Variants in NCOA2 observed in about 807,000 individuals in gnomAD.
NCOA2 encodes nuclear receptor coactivator 2.
In NCOA2, 21 loss-of-function variants were observed where a neutral mutation model predicts 145.1. That is an observed-to-expected ratio of 0.14 (90% CI 0.10 to 0.21). NCOA2 has a LOEUF of 0.21. Ranked by LOEUF, NCOA2 falls within the 10% of genes least tolerant of loss-of-function variation. NCOA2 has a pLI of 1.00. For synonymous variants in NCOA2, 619 were observed against 637.5 expected, an observed-to-expected ratio of 0.97 and a Z score of 0.44; for missense variants, 1,472 against 1,837.6, an observed-to-expected ratio of 0.80 and a Z score of 3.64.
intron 2 of NCOA2, among the ~76,000 whole-genome samples, chr8:70,231,451 G>T (rs1440518703): frequency 2.0e-5 from 3 of 152,202 alleles, no homozygotes; most frequent in Non-Finnish European, 4.4e-5. Flanking sequence ...TCCACTGGTG[G>T]TCTTCATCTT....
rs979295703 is a variant in NCOA2, at chr8:70,170,432, G to A, written c.364-53C>T. The A allele has an allele frequency of 6.4e-6, 9 of 1,399,786 alleles. No homozygotes were observed. The Admixed American group carries it at 1.3e-4, about 20-fold the overall frequency. 86.7% of individuals were successfully genotyped at this position (1,399,786 alleles called of 1,614,324 possible). On this transcript the variant is annotated intron_variant, in intron 5 of 22. Coordinates refer to ENST00000452400, the MANE Select transcript of NCOA2 (RefSeq NM_006540.4). Reference sequence around the variant, plus strand: ...GAAAGGATGCAACATAACATCACATGCAATTGTTAAGAAGGGAATGATCCC... The same window carrying A: ...GAAAGGATGCAACATAACATCACATACAATTGTTAAGAAGGGAATGATCCC...
At chr8:70,382,453 C>T (rs1253249550) in intron 1 of NCOA2, among the ~76,000 whole-genome samples, 1 of 152,076 alleles carries the variant, frequency 6.6e-6, no homozygotes, top group Non-Finnish European at 1.5e-5. Flanking sequence ...GAAATCTTGG[C>T]CCCAATGTGA....
At chr8:70,432,062 A>C in the NCOA2 span, among the ~76,000 whole-genome samples, 5 of 152,258 alleles carry the variant, frequency 3.3e-5, no homozygotes, top group Admixed American at 2.0e-4. Context: ...AAAGTAAACC[A>C]GTGGTTGATA....
the NCOA2 span, among the ~76,000 whole-genome samples, chr8:70,421,907 C>T: frequency 6.6e-6 from 1 of 151,946 alleles, no homozygotes; most frequent in Admixed American, 6.6e-5. Flanking sequence ...CTAGCCTGGC[C>T]AACATGGTGA....
chr8:70,375,746 G>A (rs569343881), intron 1 of NCOA2, among the ~76,000 whole-genome samples: 3 of 152,116 alleles, frequency 2.0e-5, no homozygotes, highest in Admixed American at 6.5e-5. Context: ...CTACCTTACC[G>A]AACAGCATGA....
At chr8:70,273,292 C>CACCT in intron 2 of NCOA2, 1 of 245,484 alleles carries the variant, frequency 4.1e-6, no homozygotes, top group Admixed American at 4.9e-5. Flanking sequence ...CGTGTGTGTG[C>CACCT]ACCTAATCTC....
At chr8:70,259,602 T>C (rs960166151) in intron 2 of NCOA2, among the ~76,000 whole-genome samples, 3 of 152,186 alleles carry the variant, frequency 2.0e-5, no homozygotes, top group African/African-American at 7.2e-5. Context: ...ATTTGTAAAA[T>C]GTTAGATGAA....
chr8:70,276,940 G>A (rs577820170), intron 2 of NCOA2, among the ~76,000 whole-genome samples: 1 of 152,100 alleles, frequency 6.6e-6, no homozygotes, highest in African/African-American at 2.4e-5. Flanking sequence ...CATTGTCTAA[G>A]TAAAATAATT....
chr8:70,430,914 T>G, the NCOA2 span, among the ~76,000 whole-genome samples: 3 of 152,240 alleles, frequency 2.0e-5, no homozygotes, highest in Non-Finnish European at 4.4e-5. Context: ...CTACCTTATC[T>G]ATCAACTTAT....
chr8:70,178,094 C>A (rs1383684626), intron 4 of NCOA2, among the ~76,000 whole-genome samples: 2 of 152,096 alleles, frequency 1.3e-5, no homozygotes, highest in African/African-American at 4.8e-5. Context: ...AAACCTTACA[C>A]TTAGATAACT....
intron 2 of NCOA2, among the ~76,000 whole-genome samples, chr8:70,244,584 A>G (rs941410398): frequency 1.3e-5 from 2 of 152,160 alleles, no homozygotes; most frequent in African/African-American, 4.8e-5. Flanking sequence ...TTTCAAATTT[A>G]TCACAAAGCT....
At chr8:70,159,051 C>T (rs576553491) in intron 10 of NCOA2, among the ~76,000 whole-genome samples, 2 of 151,396 alleles carry the variant, frequency 1.3e-5, no homozygotes, top group East Asian at 1.9e-4. Context: ...ACCCTGCCCC[C>T]ACGCTGCAGA....
chr8:70,449,775 G>A, the NCOA2 span, among the ~76,000 whole-genome samples: 48 of 152,218 alleles, frequency 3.2e-4, no homozygotes, highest in Non-Finnish European at 6.5e-4. Flanking sequence ...ACGTTCACAT[G>A]GGACTAGACC....
chr8:70,318,313 G>A (rs988481454), intron 1 of NCOA2, among the ~76,000 whole-genome samples: 1 of 152,228 alleles, frequency 6.6e-6, no homozygotes. Context: ...ATTTTGAATA[G>A]GCTTCTGAAT....
intron 1 of NCOA2, among the ~76,000 whole-genome samples, chr8:70,326,355 G>A (rs1806551409): frequency 1.3e-5 from 2 of 151,810 alleles, no homozygotes; most frequent in Admixed American, 1.3e-4. Context: ...TTCACTGTTA[G>A]TTCAAAATAG....
the NCOA2 span, among the ~76,000 whole-genome samples, chr8:70,409,323 T>A: frequency 6.6e-6 from 1 of 152,164 alleles, no homozygotes; most frequent in South Asian, 2.1e-4. Context: ...GCTACACTAA[T>A]TAAGACAGTG....
intron 11 of NCOA2, among the ~76,000 whole-genome samples, chr8:70,149,050 C>CCTTA (rs1324996524): frequency 1.3e-5 from 2 of 151,630 alleles, no homozygotes; most frequent in Admixed American, 6.6e-5. Flanking sequence ...CATCCATGAA[C>CCTTA]TAAGCACTGC....
In NCOA2 at chr8:70,113,243, G is replaced by T. The variant is rs1806701863; in HGVS notation, c.*389C>A. 1 of 268,214 alleles carries T rather than the reference G, an allele frequency of 3.7e-6. No individual in the cohort carries two copies. 16.6% of individuals were successfully genotyped at this position (268,214 alleles called of 1,614,324 possible). ...CTGTTAGCCAGGGAAAACAAAGCAAGAAACCAGTGTCTGGAACCGAACAGG... is the reference window on the plus strand; with the variant it reads ...CTGTTAGCCAGGGAAAACAAAGCAATAAACCAGTGTCTGGAACCGAACAGG... On this transcript the variant is annotated 3_prime_UTR_variant, in exon 23 of 23. Transcript: ENST00000452400.
At chr8:70,452,731 G>GA in the NCOA2 span, among the ~76,000 whole-genome samples, 8 of 141,474 alleles carry the variant, frequency 5.7e-5, no homozygotes, top group East Asian at 4.1e-4. Context: ...ATTGCAAAAA[G>GA]AAAAAAAAAA....
Sources: allele counts gnomAD v4.1 joint callset (sites outside exome capture counted in the v4.1 genomes callset), GRCh38; gene constraint gnomAD v4.1.1; transcripts MANE v1.5; gene names NCBI Gene and HGNC (gene_info 2026-07-23, HGNC 2026-07-21).